Variants in DHRSX observed in about 807,000 individuals in gnomAD.
DHRSX encodes the protein dehydrogenase/reductase X-linked, also known as polyprenol dehydrogenase.
Under a neutral mutation model 34.0 loss-of-function variants are expected in DHRSX, and 31 were observed. That is an observed-to-expected ratio of 0.91 (90% CI 0.69 to 1.23). The LOEUF (loss-of-function observed/expected upper bound fraction) is 1.23. DHRSX is among the 50% of genes most tolerant of loss of function. The probability of loss-of-function intolerance (pLI) is 0.00; values close to 1 mark genes in which losing one functional copy is unlikely to be tolerated. For missense variants in DHRSX, 414 were observed against 428.1 expected (o/e 0.97, Z 0.29); for synonymous variants, 201 against 183.8 (o/e 1.09, Z -0.76).
intron 1 of DHRSX, among the ~76,000 whole-genome samples, chrX:2,426,322 T>C (rs2043845834): frequency 6.6e-6 from 1 of 152,192 alleles, no homozygotes; most frequent in South Asian, 2.1e-4. Context: ...TTCTTTTTCT[T>C]CCTTCCACTT....
intron 4 of DHRSX, among the ~76,000 whole-genome samples, chrX:2,273,440 C>G (rs1335712210): frequency 1.3e-5 from 2 of 152,138 alleles, no homozygotes; most frequent in Non-Finnish European, 2.9e-5. Flanking sequence ...TGGAGTCACT[C>G]AAGAACAGAA....
chrX:2,476,103 GACAGCTGGCC>G (rs2044674269), intron 1 of DHRSX, among the ~76,000 whole-genome samples: 1 of 152,094 alleles, frequency 6.6e-6, no homozygotes, highest in African/African-American at 2.4e-5. Context: ...AAAGAAAACA[GACAGCTGGCC>G]GCCATGGCTC....
At chrX:2,408,601 C>A (rs2124637000) in intron 3 of DHRSX, 144 bp downstream of exon 3, 2 of 705,160 alleles carry the variant, frequency 2.8e-6, no homozygotes, top group East Asian at 2.7e-5. Flanking sequence ...GGCCAGAAAT[C>A]CCCAAAAGAA....
At chrX:2,343,501 C>T (rs2042665361) in intron 3 of DHRSX, among the ~76,000 whole-genome samples, 1 of 152,196 alleles carries the variant, frequency 6.6e-6, no homozygotes, top group South Asian at 2.1e-4. Context: ...CAACCAAACA[C>T]CCTCTTCCAT....
intron 5 of DHRSX, among the ~76,000 whole-genome samples, chrX:2,259,046 G>A (rs1420359405): frequency 6.6e-6 from 1 of 152,122 alleles, no homozygotes; most frequent in African/African-American, 2.4e-5. Context: ...AGGCCGAGGC[G>A]AGAGGATCAC....
At chrX:2,224,605 AACAC>A (rs1212785010) in intron 6 of DHRSX, among the ~76,000 whole-genome samples, 2 of 152,142 alleles carry the variant, frequency 1.3e-5, no homozygotes, top group South Asian at 2.1e-4. Flanking sequence ...CTGTAAGAAA[AACAC>A]ACGCACACAC....
chrX:2,373,036 G>A (rs1364234577), intron 3 of DHRSX, among the ~76,000 whole-genome samples: 1 of 152,188 alleles, frequency 6.6e-6, no homozygotes, highest in African/African-American at 2.4e-5. Context: ...AGCTTTAATG[G>A]ACTCACAGTT....
chrX:2,322,551 A>G (rs1176436689), intron 3 of DHRSX, among the ~76,000 whole-genome samples: 1 of 112,092 alleles, frequency 8.9e-6, no homozygotes, highest in Non-Finnish European at 2.0e-5. Flanking sequence ...GTGAAACTCC[A>G]TCTCAAAAAA....
intron 6 of DHRSX, among the ~76,000 whole-genome samples, chrX:2,235,889 G>A (rs1197630745): frequency 4.0e-5 from 6 of 149,318 alleles, no homozygotes; most frequent in African/African-American, 9.8e-5. Context: ...CGAGGCGGGC[G>A]GATCACGAGG....
intron 3 of DHRSX, among the ~76,000 whole-genome samples, chrX:2,391,195 A>G (rs1322084582): frequency 1.3e-5 from 2 of 152,220 alleles, no homozygotes; most frequent in Non-Finnish European, 2.9e-5. Context: ...TCCTGGTGCC[A>G]TCTGTTCTTA....
intron 4 of DHRSX, among the ~76,000 whole-genome samples, chrX:2,284,283 T>A (rs1482611588): frequency 7.2e-5 from 11 of 152,258 alleles, no homozygotes; most frequent in African/African-American, 2.7e-4. Context: ...TTCATTTGAA[T>A]TCATTTGTTC....
intron 5 of DHRSX, among the ~76,000 whole-genome samples, chrX:2,264,065 GT>G (rs2041402943): frequency 6.6e-6 from 1 of 152,162 alleles, no homozygotes; most frequent in African/African-American, 2.4e-5. Flanking sequence ...TGTGTTTCTT[GT>G]TCCTTCTAAA....
chrX:2,332,399 T>C (rs34234258), intron 3 of DHRSX, among the ~76,000 whole-genome samples: 22,165 of 152,226 alleles, frequency 0.15, 2,139 homozygotes, highest in Admixed American at 0.22. Context: ...ATTTTCACAA[T>C]GCTTTTGAAA....
At chrX:2,376,176 G>A (rs1052596710) in intron 3 of DHRSX, among the ~76,000 whole-genome samples, 2 of 137,464 alleles carry the variant, frequency 1.5e-5, no homozygotes, top group African/African-American at 4.9e-5. Flanking sequence ...GTCTTTTTTC[G>A]CTAAATCTAA....
chrX:2,492,059 A>C (rs1272759435), intron 1 of DHRSX, among the ~76,000 whole-genome samples: 1 of 152,208 alleles, frequency 6.6e-6, no homozygotes, highest in East Asian at 1.9e-4. Context: ...GCACGTTCAG[A>C]GTGTTGGGAT....
intron 3 of DHRSX, among the ~76,000 whole-genome samples, chrX:2,354,796 G>A (rs745334582): frequency 5.3e-5 from 8 of 152,166 alleles, no homozygotes; most frequent in South Asian, 4.1e-4. Context: ...AGAACTGAAC[G>A]GATAAAACAA....
At chrX:2,367,588 G>GA (rs2043009430) in intron 3 of DHRSX, among the ~76,000 whole-genome samples, 2 of 152,136 alleles carry the variant, frequency 1.3e-5, no homozygotes, top group South Asian at 4.1e-4. Flanking sequence ...AAGATGCATG[G>GA]AAAATAATAT....
In DHRSX at chrX:2,430,116, A is replaced by G. The variant is rs561158207; in HGVS notation, c.110-4812T>C. On this transcript the variant is annotated intron_variant, in intron 1 of 6. Transcript: ENST00000334651. ...AAGACATAAAAGTAGAGTTGAGGCC[A>G]TGGAAAGATGCCCTCGGGTCTCGGT... Among the ~76,000 whole-genome samples the G allele has an allele frequency of 9.9e-5, 15 of 152,008 alleles. No individual in the cohort carries two copies. The East Asian group carries it at 2.7e-3, about 28-fold the overall frequency.
At chrX:2,335,410 G>T (rs1453897042) in intron 3 of DHRSX, among the ~76,000 whole-genome samples, 1 of 151,624 alleles carries the variant, frequency 6.6e-6, no homozygotes, top group Non-Finnish European at 1.5e-5. Flanking sequence ...CAGGTCATAG[G>T]TGGATAAGAG....
Sources: allele counts gnomAD v4.1 joint callset (sites outside exome capture counted in the v4.1 genomes callset), GRCh38; gene constraint gnomAD v4.1.1; transcripts MANE v1.5; gene names NCBI Gene and HGNC (gene_info 2026-07-23, HGNC 2026-07-21).